Variants in TEX14 observed in about 807,000 individuals in gnomAD.
TEX14 encodes the protein testis expressed 14, intercellular bridge forming factor, also known as inactive serine/threonine-protein kinase TEX14.
TEX14 carries 168 observed loss-of-function variants against 178.6 expected under a neutral mutation model. The observed-to-expected ratio is 0.94, with a 90% CI of 0.83 to 1.07. The LOEUF (loss-of-function observed/expected upper bound fraction) is 1.07, where lower values mean the gene tolerates loss of function less well. Among genes scored for constraint, TEX14 ranks in the 50% least tolerant of loss-of-function variants. TEX14 has a pLI of 0.00. For synonymous variants in TEX14, 626 were observed against 634.1 expected (o/e 0.99, Z 0.19); for missense variants, 1,730 against 1,753.6 (o/e 0.99, Z 0.24).
At position 58,659,293 on chromosome 17, in the gene TEX14, G is replaced by A. The variant is rs185171271; in HGVS notation, c.-1-7291C>T. On this transcript the variant is annotated intron_variant, in intron 1 of 31. Coordinates refer to ENST00000349033, the MANE Select transcript of TEX14 (RefSeq NM_031272.5). The stretch of plus-strand genomic sequence containing the variant: ...TCAGGACCAACAGCGTCTCTCCCCC[G>A]CCACAAAGACATTATTTACTTAATA... 83 of 961,730 alleles carry A rather than the reference G, an allele frequency of 8.6e-5. No individual in the cohort carries two copies. The East Asian group carries it at 1.1e-3, about 13-fold the overall frequency. The allele number at this position is 961,730 out of a possible 1,614,324, so 59.6% of individuals were successfully genotyped here. A position where few individuals can be genotyped will look rare whatever the true frequency, so the allele number is the denominator to read the frequency against.
At chr17:58,653,401 G>A (rs2046879943) in intron 1 of TEX14, among the ~76,000 whole-genome samples, 1 of 152,134 alleles carries the variant, frequency 6.6e-6, no homozygotes, top group Non-Finnish European at 1.5e-5. Context: ...ACAATCAAGT[G>A]TCTGTGGTGT....
chr17:58,629,219 G>T (rs1423675477), intron 3 of TEX14, among the ~76,000 whole-genome samples: 3 of 152,202 alleles, frequency 2.0e-5, no homozygotes, highest in Non-Finnish European at 2.9e-5. Flanking sequence ...CCAGCACTGT[G>T]GGAGGCCAAG....
At chr17:58,643,292 C>G (rs1425332244) in intron 2 of TEX14, among the ~76,000 whole-genome samples, 1 of 152,146 alleles carries the variant, frequency 6.6e-6, no homozygotes, top group Non-Finnish European at 1.5e-5. Context: ...CAAAATATGT[C>G]TGTGCAGTCA....
rs1298132654 is a variant in TEX14 at position 58,605,118 on chromosome 17, C to A, written c.1196G>T (p.Gly399Val). ...LEYMLESEDR[G>V]VQRDLTRVPL... ...CACTCGAGTCAGGTCCCTCTGTACA[C>A]CTCTGTCCTCGCTACGGAAGGAAAC... Residue 399 changes from glycine (G) to valine (V), a missense_variant, in exon 11 of 32, where the codon GGT becomes GTT. Around this residue, in one of 2 missense-constraint regions of TEX14, gnomAD observed 789 missense variants for 681.2 expected, o/e 1.16. Coordinates refer to ENST00000349033, the MANE Select transcript of TEX14 (RefSeq NM_031272.5). 1 of 1,614,074 alleles carries A rather than the reference C, an allele frequency of 6.2e-7. No individual in the cohort carries two copies. The highest frequency in any genetic ancestry group is 1.7e-5 in the Admixed American group (1 of 60,020).
At chr17:58,631,445 G>T (rs1357622970) in intron 2 of TEX14, among the ~76,000 whole-genome samples, 1 of 152,060 alleles carries the variant, frequency 6.6e-6, no homozygotes, top group African/African-American at 2.4e-5. Context: ...AAAAGCCCCA[G>T]CTCAAAAATA....
intron 14 of TEX14, among the ~76,000 whole-genome samples, chr17:58,598,317 A>C (rs568198687): frequency 6.9e-6 from 1 of 144,620 alleles, no homozygotes; most frequent in Non-Finnish European, 1.5e-5. Flanking sequence ...TCTGTCTCCA[A>C]AAAAAAAAAA....
chr17:58,606,713 AAC>A (rs1358244533), intron 10 of TEX14, among the ~76,000 whole-genome samples: 1 of 151,618 alleles, frequency 6.6e-6, no homozygotes, highest in African/African-American at 2.4e-5. Context: ...CAGCCTGGGT[AAC>A]AGAGTGAGAC....
intron 11 of TEX14, among the ~76,000 whole-genome samples, chr17:58,604,623 C>G (rs1181612656): frequency 2.7e-5 from 4 of 150,432 alleles, no homozygotes; most frequent in African/African-American, 9.8e-5. Context: ...TGCAGTGGCG[C>G]TATCTCAGCT....
chr17:58,601,984 C>T (rs763786175), intron 12 of TEX14, 28 bp from the exon 13 acceptor site: 2 of 1,610,960 alleles, frequency 1.2e-6, no homozygotes, highest in Admixed American at 3.4e-5. Flanking sequence ...TTGTCAAGGA[C>T]ATAGTCTCAG....
intron 21 of TEX14, among the ~76,000 whole-genome samples, chr17:58,576,651 G>A (rs2044684760): frequency 6.6e-6 from 1 of 152,130 alleles, no homozygotes; most frequent in African/African-American, 2.4e-5. Context: ...GATATTTCTG[G>A]TTTACAGCTA....
rs1236879227 is a variant in TEX14, at chr17:58,582,856, G to A, written c.3171+1644C>T. On this transcript the variant is annotated intron_variant, in intron 19 of 31. Coordinates refer to ENST00000349033, the MANE Select transcript of TEX14 (RefSeq NM_031272.5). ...TGGGATTATAGGTGTGAGCCACCGC[G>A]ACCGGCCTGCAAATTTATTTCTTTA... 2.7e-5 allele frequency among the ~76,000 whole-genome samples: 4 copies of A among 150,180 alleles called. No individual in the cohort carries two copies. The East Asian group carries it at 8.0e-4, about 30-fold the overall frequency.
At chr17:58,654,472 T>C (rs1410455483) in intron 1 of TEX14, among the ~76,000 whole-genome samples, 10 of 148,568 alleles carry the variant, frequency 6.7e-5, no homozygotes, top group African/African-American at 4.9e-5. Flanking sequence ...CTTGAATGTA[T>C]AGAAGCTTTG....
Position 58,616,288 on chromosome 17 carries a change from C to T in TEX14, c.654G>A (p.Ala218=), listed in dbSNP as rs564729618. 5.6e-6 allele frequency: 9 copies of T among 1,613,448 alleles called. No individual in the cohort carries two copies. The highest frequency in any genetic ancestry group is 2.2e-5 in the South Asian group (2 of 90,956). Residue 218 remains alanine (A), a synonymous_variant, in exon 7 of 32, where the codon GCG becomes GCA. Coordinates refer to ENST00000349033, the MANE Select transcript of TEX14 (RefSeq NM_031272.5). ...GAGATCCTAGATAGGCCATCTGTGTCGCCCCAGTAAGATAAAACTGAAACC... is the reference window on the plus strand; with the variant it reads ...GAGATCCTAGATAGGCCATCTGTGTTGCCCCAGTAAGATAAAACTGAAACC... ...FGFGKFYLTG[A]TQMAYLGSLP... is the part of the protein sequence containing the mutation.
intron 15 of TEX14, 112 bp downstream of exon 15, chr17:58,593,443 C>T: frequency 1.3e-6 from 1 of 794,078 alleles, no homozygotes; most frequent in Non-Finnish European, 2.1e-6. Flanking sequence ...TACTCTTCTT[C>T]ATCACTCACA....
intron 2 of TEX14, among the ~76,000 whole-genome samples, chr17:58,651,426 C>T (rs1161905739): frequency 6.6e-6 from 1 of 152,144 alleles, no homozygotes; most frequent in Non-Finnish European, 1.5e-5. Context: ...GCCATTGAGC[C>T]ATGTCTGCCT....
At chr17:58,575,131 T>TTG (rs2044645354) in intron 21 of TEX14, among the ~76,000 whole-genome samples, 1 of 145,192 alleles carries the variant, frequency 6.9e-6, no homozygotes. Context: ...TTTTTTTTTT[T>TTG]GAGATGGAGT....
chr17:58,557,777 C>T (rs1423948501), intron 31 of TEX14, 22 bp downstream of exon 31: 5 of 1,600,862 alleles, frequency 3.1e-6, no homozygotes, highest in Non-Finnish European at 4.3e-6. Flanking sequence ...TTTTGATCTA[C>T]AAACATCTGA....
At chr17:58,662,413 TCTCACACA>T (rs76252093) in intron 1 of TEX14, among the ~76,000 whole-genome samples, 29,652 of 127,632 alleles carry the variant, frequency 0.23, 3,684 homozygotes, top group Middle Eastern at 0.42. Flanking sequence ...AGCACACATA[TCTCACACA>T]CACACACACA....
At chr17:58,660,937 TC>T in intron 1 of TEX14, 1 of 999,962 alleles carries the variant, frequency 1.0e-6, no homozygotes, top group South Asian at 1.3e-5. Context: ...AGTCTTTCTC[TC>T]CCAGGATCTT....
Sources: allele counts gnomAD v4.1 joint callset (sites outside exome capture counted in the v4.1 genomes callset), GRCh38; gene constraint gnomAD v4.1.1; regional missense constraint gnomAD v4.1.1; transcripts MANE v1.5; gene names NCBI Gene and HGNC (gene_info 2026-07-23, HGNC 2026-07-21).